Variants in GDI2 observed in about 807,000 individuals in gnomAD.
The protein encoded by GDI2 is GDP dissociation inhibitor 2.
In GDI2, 22 loss-of-function variants were observed where a neutral mutation model predicts 54.2. That is an observed-to-expected ratio of 0.41 (90% CI 0.29 to 0.58). The LOEUF (loss-of-function observed/expected upper bound fraction) is 0.58, where lower values mean the gene tolerates loss of function less well. Ranked by LOEUF, GDI2 falls within the 20% of genes least tolerant of loss-of-function variation. GDI2 has a pLI of 0.35. For missense variants in GDI2, 422 were observed against 546.0 expected (o/e 0.77, Z 2.26); for synonymous variants, 177 against 182.1 (o/e 0.97, Z 0.23).
chr10:5,791,477 G>A (rs1289321634), intron 4 of GDI2, among the ~76,000 whole-genome samples: 1 of 152,144 alleles, frequency 6.6e-6, no homozygotes, highest in Non-Finnish European at 1.5e-5. Context: ...GCCAGGCACA[G>A]TGGTTCACGC....
At chr10:5,794,123 C>T (rs1301221553) in intron 4 of GDI2, among the ~76,000 whole-genome samples, 2 of 144,400 alleles carry the variant, frequency 1.4e-5, no homozygotes, top group African/African-American at 2.6e-5. Flanking sequence ...TCTGAGATCG[C>T]GCCATCACAC....
chr10:5,772,336 A>T (rs1418598312), intron 7 of GDI2, among the ~76,000 whole-genome samples: 2 of 152,266 alleles, frequency 1.3e-5, no homozygotes, highest in Non-Finnish European at 2.9e-5. Flanking sequence ...TGTCAAACAA[A>T]ATATGACTTC....
In GDI2 at chr10:5,766,465, C is replaced by A; in HGVS notation, c.1136+29G>T. 6.2e-7 allele frequency: 1 copy of A among 1,611,802 alleles called. No individual in the cohort carries two copies. Among genetic ancestry groups the A allele is most frequent in the South Asian group, 1.1e-5 (1 of 90,996 alleles). On this transcript the variant is annotated intron_variant, in intron 9 of 10. Coordinates refer to ENST00000380191, the MANE Select transcript of GDI2 (RefSeq NM_001494.4). This position sits in a 1 kb window ranked among gnomAD's most constrained non-coding sequence, Gnocchi z 5.8. Reference sequence around the variant, plus strand: ...CACAATCAAAGGCCTCAGTTTGCATCTCGGCAGATATAAAAGAACACAACT... The same window carrying A: ...CACAATCAAAGGCCTCAGTTTGCATATCGGCAGATATAAAAGAACACAACT...
intron 2 of GDI2, among the ~76,000 whole-genome samples, 182 bp downstream of exon 2, chr10:5,800,416 T>TA (rs1333315964): frequency 6.6e-6 from 1 of 152,186 alleles, no homozygotes; most frequent in Non-Finnish European, 1.5e-5. Flanking sequence ...CTGCTCCACA[T>TA]AGCAACAAAA....
intron 7 of GDI2, among the ~76,000 whole-genome samples, chr10:5,769,704 C>T (rs1166759763): frequency 2.0e-5 from 3 of 152,122 alleles, no homozygotes; most frequent in Non-Finnish European, 2.9e-5. Flanking sequence ...ACCTCACAAC[C>T]GTTAAGATTG....
intron 6 of GDI2, among the ~76,000 whole-genome samples, chr10:5,781,185 A>G (rs1840745868): frequency 1.3e-5 from 2 of 151,742 alleles, no homozygotes; most frequent in African/African-American, 4.8e-5. Flanking sequence ...AAAAAAAAAA[A>G]GAACCTCAAG....
chr10:5,782,091 A>G (rs1840770756), intron 6 of GDI2, among the ~76,000 whole-genome samples: 2 of 152,348 alleles, frequency 1.3e-5, no homozygotes, highest in South Asian at 2.1e-4. Flanking sequence ...ATATATGACA[A>G]AAGACTTGCC....
At chr10:5,785,439 A>G (rs1006784483) in intron 5 of GDI2, among the ~76,000 whole-genome samples, 166 bp from the exon 6 acceptor site, 1 of 152,046 alleles carries the variant, frequency 6.6e-6, no homozygotes, top group African/African-American at 2.4e-5. Context: ...CAGTGGTGCA[A>G]TCTCGGCTCC....
chr10:5,805,996 A>G (rs1841371570), intron 1 of GDI2, among the ~76,000 whole-genome samples: 1 of 152,222 alleles, frequency 6.6e-6, no homozygotes, highest in Admixed American at 6.5e-5. Context: ...GTTTTTCACT[A>G]TTACAAATAA....
intron 7 of GDI2, among the ~76,000 whole-genome samples, chr10:5,772,981 T>C (rs2131684134): frequency 6.6e-6 from 1 of 152,244 alleles, no homozygotes; most frequent in Non-Finnish European, 1.5e-5. Context: ...TACCCGCCTC[T>C]TAGGATCCTT....
At chr10:5,797,768 TTGTCAA>T (rs1841181128) in intron 2 of GDI2, among the ~76,000 whole-genome samples, 1 of 151,996 alleles carries the variant, frequency 6.6e-6, no homozygotes, top group South Asian at 2.1e-4. Context: ...ACAAGATTAT[TTGTCAA>T]TGACACTGTA....
At chr10:5,795,416 T>C (rs530194050) in intron 3 of GDI2, among the ~76,000 whole-genome samples, 56 of 152,258 alleles carry the variant, frequency 3.7e-4, no homozygotes, top group African/African-American at 1.2e-3. Context: ...GCACCGCGCC[T>C]GGCCCAAAAT....
At chr10:5,786,225 C>T (rs1168179906) in intron 4 of GDI2, among the ~76,000 whole-genome samples, 175 bp from the exon 5 acceptor site, 3 of 128,750 alleles carry the variant, frequency 2.3e-5, no homozygotes, top group East Asian at 2.4e-4. Flanking sequence ...GACTGGAGTG[C>T]AATGACGCAA....
At chr10:5,811,345 A>G (rs1841476703) in intron 1 of GDI2, among the ~76,000 whole-genome samples, 1 of 152,226 alleles carries the variant, frequency 6.6e-6, no homozygotes, top group Non-Finnish European at 1.5e-5. Context: ...CATTCATCAA[A>G]GAGTTCACAA....
At position 5,766,451 on chromosome 10, in the gene GDI2, G is replaced by T; in HGVS notation, c.1136+43C>A. The T allele has an allele frequency of 7.5e-6, 12 of 1,606,386 alleles. No homozygotes were observed. The highest frequency in any genetic ancestry group is 1.0e-5 in the Non-Finnish European group (12 of 1,174,186). On this transcript the variant is annotated intron_variant, in intron 9 of 10. Transcript: ENST00000380191. The surrounding 1 kb of genome is among the most constrained non-coding windows in gnomAD (Gnocchi z 5.8). ...TCCCACCATGGAGCCACAATCAAAG[G>T]CCTCAGTTTGCATCTCGGCAGATAT...
intron 1 of GDI2, 58 bp from the exon 2 acceptor site, chr10:5,800,763 CA>C (rs1409889227): frequency 2.4e-6 from 2 of 848,220 alleles, no homozygotes; most frequent in South Asian, 1.3e-5. Flanking sequence ...TAAAACAGAT[CA>C]TTTTTTTCAA....
At chr10:5,812,585 G>A (rs1288995538) in intron 1 of GDI2, among the ~76,000 whole-genome samples, 1 of 152,230 alleles carries the variant, frequency 6.6e-6, no homozygotes, top group Non-Finnish European at 1.5e-5. Flanking sequence ...TGCTCAGTAA[G>A]TGAGAAGGGA....
In GDI2 at chr10:5,766,108, T is replaced by A. The variant is rs1021933780; in HGVS notation, c.1236A>T (p.Thr412=). The A allele has an allele frequency of 6.2e-7, 1 of 1,612,640 alleles. No homozygotes were observed. The highest frequency in any genetic ancestry group is 1.3e-5 in the African/African-American group (1 of 74,820). ...AGATGTTTTTAATGTCATCACACGT[T>A]GTCTCAAAATGAGTGGTGGCATCAT... ...RTYDATTHFE[T]TCDDIKNIYK... Residue 412 remains threonine, a synonymous_variant, in exon 11 of 11, where the codon ACA becomes ACT. Coordinates refer to ENST00000380191, the MANE Select transcript of GDI2 (RefSeq NM_001494.4). This position sits in a 1 kb window ranked among gnomAD's most constrained non-coding sequence, Gnocchi z 5.8.
At chr10:5,783,833 T>A (rs1367413520) in intron 6 of GDI2, among the ~76,000 whole-genome samples, 1 of 152,234 alleles carries the variant, frequency 6.6e-6, no homozygotes. Flanking sequence ...TTTTCCTTTA[T>A]AGGTTACCTG....
Sources: allele counts gnomAD v4.1 joint callset (sites outside exome capture counted in the v4.1 genomes callset), GRCh38; gene constraint gnomAD v4.1.1; non-coding constraint Gnocchi (gnomAD v3.1); transcripts MANE v1.5; gene names NCBI Gene and HGNC (gene_info 2026-07-23, HGNC 2026-07-21).